The following CFHR5 variants were observed in gnomAD, a reference collection of about 807,000 sequenced individuals.
CFHR5 encodes complement factor H related 5.
CFHR5 carries 73 observed loss-of-function variants against 62.9 expected under a neutral mutation model. The ratio of observed to expected loss-of-function variants is 1.16; its 90% CI spans 0.96 to 1.41. The LOEUF is 1.41. Among genes scored for constraint, CFHR5 ranks in the 40% most tolerant of loss-of-function variants. The pLI, the probability that CFHR5 is intolerant of heterozygous loss-of-function variation, is 0.00. For synonymous variants in CFHR5, 249 were observed against 227.2 expected, an observed-to-expected ratio of 1.10 and a Z score of -0.86; for missense variants, 779 against 679.9, an observed-to-expected ratio of 1.15 and a Z score of -1.62.
At chr1:196,991,905 C>T (rs1317796189) in intron 3 of CFHR5, among the ~76,000 whole-genome samples, 2 of 152,284 alleles carry the variant, frequency 1.3e-5, no homozygotes, top group East Asian at 3.9e-4. Context: ...GCTGGGAGAA[C>T]CACTGCTCTC....
At chr1:196,976,183 G>A (rs903364248), upstream of CFHR5, among the ~76,000 whole-genome samples, 1 of 152,110 alleles carries the variant, frequency 6.6e-6, no homozygotes, top group Non-Finnish European at 1.5e-5. Context: ...GACTTCTCTG[G>A]TTTCTTGATT....
At chr1:196,994,621 C>T (rs559396511) in intron 4 of CFHR5, among the ~76,000 whole-genome samples, 41 of 152,178 alleles carry the variant, frequency 2.7e-4, no homozygotes, top group Admixed American at 8.5e-4. Context: ...ATTGCATATA[C>T]GAATTATTCA....
intron 3 of CFHR5, among the ~76,000 whole-genome samples, 191 bp downstream of exon 3, chr1:196,984,328 G>C (rs564280717): frequency 6.6e-6 from 1 of 152,036 alleles, no homozygotes; most frequent in South Asian, 2.1e-4. Flanking sequence ...TCAAATGTAC[G>C]TAATAAGAAG....
intron 5 of CFHR5, 38 bp from the exon 6 acceptor site, chr1:196,995,984 T>C: frequency 6.2e-7 from 1 of 1,605,900 alleles, no homozygotes; most frequent in Non-Finnish European, 8.5e-7. Context: ...ATTTAAAATA[T>C]TTTCAGAGTA....
At chr1:196,996,852 TAGTAAGTAGTAAGTAGTA>T (rs943279147) in intron 6 of CFHR5, among the ~76,000 whole-genome samples, 28 of 151,756 alleles carry the variant, frequency 1.8e-4, no homozygotes, top group Middle Eastern at 3.4e-3. Context: ...TCCACAGAAG[TAGTAAGTAGTAAGTAGTA>T]AGTAAGTAGT....
rs1406321839 is a variant in CFHR5, at chr1:197,009,640, CCCCTTAA to C, written c.*958_*964del. On this transcript the variant is annotated 3_prime_UTR_variant, in exon 10 of 10. Coordinates refer to ENST00000256785, the MANE Select transcript of CFHR5 (RefSeq NM_030787.4). ...CTAGCTACCTATCCAATACTAAATA[CCCCTTAA>C]AGTATTAAATGCACTATCTGCTGTA... The C allele has an allele frequency of 6.6e-6, 1 of 152,022 alleles. No homozygotes were observed. 9.4% of individuals were successfully genotyped at this position (152,022 alleles called of 1,614,324 possible).
chr1:196,977,717 G>A lies in CFHR5; in HGVS notation c.53G>A (p.Gly18Glu), dbSNP rs764524706. 5 of 1,611,692 alleles carry A rather than the reference G, an allele frequency of 3.1e-6. No individual in the cohort carries two copies. Among genetic ancestry groups the A allele is most frequent in the South Asian group, 2.2e-5 (2 of 90,940 alleles). Residue 18 changes from glycine to glutamate, a missense_variant, in exon 1 of 10, where the codon GGA (glycine) becomes GAA (glutamate). Transcript: ENST00000256785. The stretch of plus-strand genomic sequence containing the variant: ...ATCTCATGGGTATCCACTGTTGGGG[G>A]AGAAGGTAAGTTGAAAACAGATCCG... The part of the protein sequence containing the change: ...ILISWVSTVG[G>E]EGTLCDFPKI...
At chr1:196,997,838 T>C (rs1654035043) in intron 6 of CFHR5, among the ~76,000 whole-genome samples, 1 of 152,174 alleles carries the variant, frequency 6.6e-6, no homozygotes, top group Admixed American at 6.6e-5. Flanking sequence ...TAACAATTCA[T>C]TTGTAGCTTC....
Position 197,009,519 on chromosome 1 carries a change from T to C in CFHR5, c.*836T>C, listed in dbSNP as rs1654382319. The stretch of plus-strand genomic sequence containing the variant: ...AATGTAGATGTTATTTTAGTCTCTA[T>C]CTTCATGTTATTATCACTTAAAAAC... On this transcript the variant is annotated 3_prime_UTR_variant, in exon 10 of 10. Transcript: ENST00000256785. 1 of 152,196 alleles carries C rather than the reference T, an allele frequency of 6.6e-6. No individual in the cohort carries two copies. The highest frequency in any genetic ancestry group is 1.5e-5 in the Non-Finnish European group (1 of 68,036). The allele number at this position is 152,196 out of a possible 1,614,324, so 9.4% of individuals were successfully genotyped here. A position where few individuals can be genotyped will look rare whatever the true frequency, so the allele number is the denominator to read the frequency against.
At chr1:196,981,537 C>A (rs1653540728) in intron 1 of CFHR5, among the ~76,000 whole-genome samples, 1 of 151,554 alleles carries the variant, frequency 6.6e-6, no homozygotes, top group Non-Finnish European at 1.5e-5. Flanking sequence ...AAAATAGAGT[C>A]AAAACATGAA....
intron 7 of CFHR5, among the ~76,000 whole-genome samples, chr1:196,999,791 A>ATGTG (rs377571582): frequency 7.0e-6 from 1 of 143,028 alleles, no homozygotes; most frequent in Non-Finnish European, 1.5e-5. Flanking sequence ...ATATGTATAT[A>ATGTG]TGTGTGTATA....
Position 196,998,301 on chromosome 1 carries a change from A to G in CFHR5, c.1144A>G (p.Thr382Ala). The G allele has an allele frequency of 6.2e-7, 1 of 1,609,982 alleles. No homozygotes were observed. Among genetic ancestry groups the G allele is most frequent in the Non-Finnish European group, 8.5e-7 (1 of 1,177,360 alleles). The change falls in exon 7 of 10, where the codon ACA (threonine) becomes GCA (alanine). Residue 382 changes from threonine to alanine, a missense_variant. Transcript: ENST00000256785. ...NGKWNPEVDC[T>A]EKREQFCPPP... ...GAAATGGAATCCTGAAGTAGACTGCACAGGTAAGATTTGTTTAAAACATTT... is the reference window on the plus strand; with the variant it reads ...GAAATGGAATCCTGAAGTAGACTGCGCAGGTAAGATTTGTTTAAAACATTT...
In CFHR5 at chr1:197,004,747, A is replaced by T. The variant is rs779757280; in HGVS notation, c.1417A>T (p.Thr473Ser). The change falls in exon 9 of 10, where the codon ACA (threonine) becomes TCA (serine). Residue 473 changes from threonine to serine, a missense_variant. By Grantham distance (58) the Thr-to-Ser change is moderately conservative. Transcript: ENST00000256785. Reference sequence around the variant, plus strand: ...ATTATCAGTATATCCTCCAGGGTCAACAGTGACGTACCGTTGCCAGTCCTT... The same window carrying T: ...ATTATCAGTATATCCTCCAGGGTCATCAGTGACGTACCGTTGCCAGTCCTT... ...FPLSVYPPGSTVTYRCQSFYK... is the reference protein window; with the variant it reads ...FPLSVYPPGSSVTYRCQSFYK... The T allele has an allele frequency of 1.9e-6, 3 of 1,613,194 alleles. No homozygotes were observed. Among genetic ancestry groups the T allele is most frequent in the Non-Finnish European group, 2.5e-6 (3 of 1,179,318 alleles).
At chr1:196,986,403 G>T (rs1194754840) in intron 3 of CFHR5, among the ~76,000 whole-genome samples, 2 of 151,846 alleles carry the variant, frequency 1.3e-5, no homozygotes, top group Non-Finnish European at 1.5e-5. Flanking sequence ...AAGTTCTAGG[G>T]TACATGCGCA....
chr1:196,976,799 C>CTTTTTTTTTTTTTTTTTTTTTT (rs10588279), upstream of CFHR5, among the ~76,000 whole-genome samples: 1 of 98,142 alleles, frequency 1.0e-5, no homozygotes, highest in African/African-American at 4.7e-5. Flanking sequence ...AAAAATTATT[C>CTTTTTTTTTTTTTTTTTTTTTT]TTTTTTTTTT....
chr1:196,985,342 C>A (rs1465178797), intron 3 of CFHR5, among the ~76,000 whole-genome samples: 1 of 152,072 alleles, frequency 6.6e-6, no homozygotes, highest in East Asian at 1.9e-4. Context: ...CCCTTCCCCA[C>A]TAGAAAAACA....
At chr1:196,992,998 C>T (rs1653885189) in intron 3 of CFHR5, among the ~76,000 whole-genome samples, 1 of 152,064 alleles carries the variant, frequency 6.6e-6, no homozygotes, top group Non-Finnish European at 1.5e-5. Flanking sequence ...TTATTTTACA[C>T]AAGAATTAAT....
intron 1 of CFHR5, among the ~76,000 whole-genome samples, chr1:196,980,591 CGTGTGTGTGTGTGTGT>C (rs57437038): frequency 2.1e-4 from 30 of 145,546 alleles, no homozygotes; most frequent in Non-Finnish European, 1.1e-4. Flanking sequence ...TGTATATATA[CGTGTGTGTGTGTGTGT>C]GTGTGTGTGT....
At chr1:196,995,679 A>C (rs374298298) in intron 4 of CFHR5, 38 bp from the exon 5 acceptor site, 2 of 1,556,482 alleles carry the variant, frequency 1.3e-6, no homozygotes, top group Non-Finnish European at 1.8e-6. Context: ...TATACTTATA[A>C]GACCATTTAA....
Sources: allele counts gnomAD v4.1 joint callset (sites outside exome capture counted in the v4.1 genomes callset), GRCh38; gene constraint gnomAD v4.1.1; transcripts MANE v1.5; gene names NCBI Gene and HGNC (gene_info 2026-07-23, HGNC 2026-07-21).